The following STAP1 variants were observed in gnomAD, a reference collection of about 807,000 sequenced individuals.
STAP1 encodes signal transducing adaptor family member 1, also known as signal-transducing adaptor protein 1.
Under a neutral mutation model 37.8 loss-of-function variants are expected in STAP1, and 30 were observed. The ratio of observed to expected loss-of-function variants is 0.79; its 90% CI spans 0.59 to 1.08. The LOEUF (loss-of-function observed/expected upper bound fraction) is 1.08, where lower values mean the gene tolerates loss of function less well. STAP1 is among the 50% of genes least tolerant of loss of function. The pLI is 0.00. For missense variants in STAP1, 357 were observed against 349.4 expected (o/e 1.02, Z -0.17); for synonymous variants, 130 against 116.0 (o/e 1.12, Z -0.78).
chr4:67,603,432 T>C (rs566263202), intron 8 of STAP1, among the ~76,000 whole-genome samples: 1 of 152,034 alleles, frequency 6.6e-6, no homozygotes, highest in African/African-American at 2.4e-5. Context: ...CCCTTTCCTT[T>C]CCTTAAGCAA....
intron 8 of STAP1, among the ~76,000 whole-genome samples, chr4:67,596,778 C>T (rs1236551607): frequency 1.3e-5 from 2 of 152,128 alleles, no homozygotes; most frequent in Non-Finnish European, 2.9e-5. Flanking sequence ...CTAAGCAGCA[C>T]AGTGTTCAAG....
rs973953656 is a variant in STAP1 at position 67,558,768 on chromosome 4, T to G, written c.-42T>G. On this transcript the variant is annotated 5_prime_UTR_variant, in exon 1 of 9. Coordinates refer to ENST00000265404, the MANE Select transcript of STAP1 (RefSeq NM_012108.4). Reference sequence around the variant, plus strand: ...CTCTCACAGAAGGAAGATTTCATTTTGTTTGAGACGAGAAACCAAACCACA... The same window carrying G: ...CTCTCACAGAAGGAAGATTTCATTTGGTTTGAGACGAGAAACCAAACCACA... 1.3e-6 allele frequency: 2 copies of G among 1,582,414 alleles called. No homozygotes were observed. The highest frequency in any genetic ancestry group is 1.7e-6 in the Non-Finnish European group (2 of 1,168,576).
chr4:67,570,281 A>G (rs1428447632), intron 1 of STAP1, among the ~76,000 whole-genome samples: 1 of 152,168 alleles, frequency 6.6e-6, no homozygotes, highest in East Asian at 1.9e-4. Context: ...TATATGTCCT[A>G]TATTTTTGTT....
At chr4:67,560,260 C>T (rs1159185590) in intron 1 of STAP1, among the ~76,000 whole-genome samples, 1 of 152,082 alleles carries the variant, frequency 6.6e-6, no homozygotes, top group African/African-American at 2.4e-5. Context: ...CCACTTATAG[C>T]TTGTGATCTT....
chr4:67,588,353 C>CGACGAT (rs1553902148), intron 6 of STAP1, among the ~76,000 whole-genome samples: 172 of 151,036 alleles, frequency 1.1e-3, no homozygotes, highest in Middle Eastern at 3.4e-3. Context: ...ACGACGACGA[C>CGACGAT]GATGATGATG....
intron 2 of STAP1, among the ~76,000 whole-genome samples, chr4:67,574,172 T>A (rs898439178): frequency 1.1e-4 from 16 of 152,046 alleles, no homozygotes; most frequent in African/African-American, 3.6e-4. Context: ...TAGTACACAA[T>A]TAGAAAAATA....
At chr4:67,597,273 G>A (rs1205366991) in intron 8 of STAP1, among the ~76,000 whole-genome samples, 3 of 152,214 alleles carry the variant, frequency 2.0e-5, no homozygotes, top group African/African-American at 7.2e-5. Flanking sequence ...TGAGCCTGCA[G>A]GTGTGCAGAA....
intron 7 of STAP1, among the ~76,000 whole-genome samples, chr4:67,591,525 A>G (rs1294790927): frequency 6.6e-6 from 1 of 152,226 alleles, no homozygotes; most frequent in African/African-American, 2.4e-5. Flanking sequence ...CACTGTTCTG[A>G]ACCAATGAGA....
Position 67,578,048 on chromosome 4 carries a change from A to G in STAP1, c.363+789A>G, listed in dbSNP as rs536046389. Among the ~76,000 whole-genome samples the G allele has an allele frequency of 4.6e-5, 7 of 152,324 alleles. No individual in the cohort carries two copies. In the South Asian group the frequency reaches 1.2e-3, roughly 27 times the overall value. On this transcript the variant is annotated intron_variant, in intron 4 of 8. Transcript: ENST00000265404. ...CAATGTAACAGGGAGAGACCATAAA[A>G]ATGAAAACTCACCTTTAAACATTTC...
At chr4:67,575,269 A>G (rs942691155) in intron 2 of STAP1, 116 bp from the exon 3 acceptor site, 2 of 615,790 alleles carry the variant, frequency 3.2e-6, no homozygotes, top group Non-Finnish European at 5.3e-6. Context: ...GAAAACCAGG[A>G]TATCATACAA....
chr4:67,578,043 A>T (rs1727765380), intron 4 of STAP1, among the ~76,000 whole-genome samples: 1 of 152,232 alleles, frequency 6.6e-6, no homozygotes, highest in African/African-American at 2.4e-5. Context: ...GGGAGAGACC[A>T]TAAAAATGAA....
chr4:67,589,061 A>G (rs1285943923), intron 6 of STAP1, among the ~76,000 whole-genome samples: 1 of 152,250 alleles, frequency 6.6e-6, no homozygotes, highest in African/African-American at 2.4e-5. Context: ...CATGACAATC[A>G]GAATTTGAAC....
chr4:67,591,055 C>A, intron 7 of STAP1, 102 bp downstream of exon 7: 2 of 677,260 alleles, frequency 3.0e-6, no homozygotes, highest in Non-Finnish European at 4.9e-6. Flanking sequence ...CTGAATGTGG[C>A]AGATATACAA....
chr4:67,606,354 A>T lies in STAP1; in HGVS notation c.885A>T (p.Ala295=). The T allele has an allele frequency of 6.2e-7, 1 of 1,610,416 alleles. No homozygotes were observed. The highest frequency in any genetic ancestry group is 8.5e-7 in the Non-Finnish European group (1 of 1,178,538). ...AGTTGAAGAAAAATCCACACATTGC[A>T]TGAAATACAATGTGAAAGCTCCTTT... is the stretch of plus-strand genomic sequence containing the variant. ...SEKLKKNPHI[A] is the part of the protein sequence containing the mutation. The change falls in exon 9 of 9, where the codon GCA becomes GCT. Residue 295 remains alanine, a synonymous_variant. Coordinates refer to ENST00000265404, the MANE Select transcript of STAP1 (RefSeq NM_012108.4).
intron 7 of STAP1, among the ~76,000 whole-genome samples, chr4:67,592,560 G>A (rs1021799809): frequency 1.3e-5 from 2 of 152,136 alleles, no homozygotes; most frequent in Non-Finnish European, 2.9e-5. Flanking sequence ...AACCTTCAGG[G>A]ACTAGGACGC....
chr4:67,586,099 C>T (rs560834702), intron 6 of STAP1, among the ~76,000 whole-genome samples: 7 of 152,174 alleles, frequency 4.6e-5, no homozygotes, highest in East Asian at 3.9e-4. Flanking sequence ...TACATTTACA[C>T]GTGACCCCTG....
At chr4:67,582,184 A>G (rs999126121) in intron 5 of STAP1, among the ~76,000 whole-genome samples, 1 of 152,150 alleles carries the variant, frequency 6.6e-6, no homozygotes, top group Non-Finnish European at 1.5e-5. Flanking sequence ...TAAAAGTCAC[A>G]TGGACTGCTA....
At chr4:67,563,571 G>A (rs1727399982) in intron 1 of STAP1, among the ~76,000 whole-genome samples, 1 of 152,118 alleles carries the variant, frequency 6.6e-6, no homozygotes, top group Non-Finnish European at 1.5e-5. Context: ...AGGCGTGGTG[G>A]CACACCCTGT....
chr4:67,587,877 C>T (rs574119314), intron 6 of STAP1, among the ~76,000 whole-genome samples: 19 of 151,460 alleles, frequency 1.3e-4, no homozygotes, highest in African/African-American at 2.2e-4. Flanking sequence ...TGTGCCACCA[C>T]GCCTGGCTAA....
Sources: allele counts gnomAD v4.1 joint callset (sites outside exome capture counted in the v4.1 genomes callset), GRCh38; gene constraint gnomAD v4.1.1; transcripts MANE v1.5; gene names NCBI Gene and HGNC (gene_info 2026-07-23, HGNC 2026-07-21).